The following SLFN12L variants were observed in gnomAD, a reference collection of about 807,000 sequenced individuals.
SLFN12L encodes schlafen family member 12-like.
In SLFN12L, 34 loss-of-function variants were observed where a neutral mutation model predicts 34.8. The ratio of observed to expected loss-of-function variants is 0.98; its 90% CI spans 0.74 to 1.30. The LOEUF (loss-of-function observed/expected upper bound fraction) is 1.30. Ranked by LOEUF, SLFN12L falls within the 50% of genes most tolerant of loss-of-function variation. SLFN12L has a pLI of 0.00. For missense variants in SLFN12L, 703 were observed against 696.2 expected, an observed-to-expected ratio of 1.01 and a Z score of -0.11; for synonymous variants, 259 against 247.5, an observed-to-expected ratio of 1.05 and a Z score of -0.44.
chr17:35,479,892 T>TGGCA lies in SLFN12L; in HGVS notation c.386_389dup (p.Phe131AlafsTer5). On this transcript the variant is annotated frameshift_variant, in exon 3 of 5. Transcript: ENST00000628453. LOFTEE classifies it high-confidence loss of function. ...TGAAGTCCAGGAAATTAGGAACAAATGGCAGCATGTTACTAAAAGAATTTT... is the reference window on the plus strand; with the variant it reads ...TGAAGTCCAGGAAATTAGGAACAAATGGCAGGCAGCATGTTACTAAAAGAATTTT... 6.2e-7 allele frequency: 1 copy of TGGCA among 1,611,958 alleles called. No homozygotes were observed. The highest frequency in any genetic ancestry group is 8.5e-7 in the Non-Finnish European group (1 of 1,178,814).
chr17:35,486,847 T>A (rs1914600625), intron 2 of SLFN12L, among the ~76,000 whole-genome samples: 1 of 152,168 alleles, frequency 6.6e-6, no homozygotes, highest in Non-Finnish European at 1.5e-5. Context: ...AACAACAGGT[T>A]AGTAAGAACT....
At position 35,468,752 on chromosome 17, in the gene SLFN12L, ACTCATGC is replaced by A. The variant is rs951778023; in HGVS notation, c.*6164_*6170del. On this transcript the variant is annotated 3_prime_UTR_variant, in exon 5 of 5. Coordinates refer to ENST00000628453, the MANE Select transcript of SLFN12L (RefSeq NM_001363830.2). ...AATTAATGGAGGGCCAAGCACAGTG[ACTCATGC>A]CTATAATTCCAGCACTTTGGGAGGC... 6.6e-6 allele frequency among the ~76,000 whole-genome samples: 1 copy of A among 152,110 alleles called. No individual in the cohort carries two copies. The highest frequency in any genetic ancestry group is 1.5e-5 in the Non-Finnish European group (1 of 68,018).
intron 1 of SLFN12L, among the ~76,000 whole-genome samples, chr17:35,531,919 G>C (rs1189530553): frequency 6.6e-6 from 1 of 151,852 alleles, no homozygotes; most frequent in Non-Finnish European, 1.5e-5. Flanking sequence ...ATAGGTGTGA[G>C]CCACCCAGCC....
At chr17:35,515,863 C>G (rs1211473616) in intron 2 of SLFN12L, among the ~76,000 whole-genome samples, 2 of 151,502 alleles carry the variant, frequency 1.3e-5, no homozygotes, top group Non-Finnish European at 2.9e-5. Flanking sequence ...AGGCTGGTCT[C>G]GAACTCCTGA....
rs1913688109 is a variant in SLFN12L at position 35,464,334 on chromosome 17, T to C, written c.*10589A>G. ...TCATTACACAGGTAAACATGTGTCA[T>C]GGGGTTTTGTTATACATATTATTTC... On this transcript the variant is annotated 3_prime_UTR_variant, in exon 5 of 5. Coordinates refer to ENST00000628453, the MANE Select transcript of SLFN12L (RefSeq NM_001363830.2). 1 of 152,218 alleles carries C rather than the reference T, an allele frequency of 6.6e-6. No homozygotes were observed. Among genetic ancestry groups the C allele is most frequent in the Non-Finnish European group, 1.5e-5 (1 of 68,046 alleles). The allele number at this position is 152,218 out of a possible 1,614,324, so 9.4% of individuals were successfully genotyped here.
At chr17:35,530,441 G>GAAGGAAAGAAAGA (rs1555545952) in intron 1 of SLFN12L, among the ~76,000 whole-genome samples, 5 of 16,878 alleles carry the variant, frequency 3.0e-4, no homozygotes, top group Non-Finnish European at 4.5e-4. Flanking sequence ...GAAGGGAAGG[G>GAAGGAAAGAAAGA]AAGAAAGAAA....
At position 35,485,510 on chromosome 17, in the gene SLFN12L, C is replaced by T. The variant is rs112933003; in HGVS notation, c.87-5315G>A. On this transcript the variant is annotated intron_variant, in intron 2 of 4. Coordinates refer to ENST00000628453, the MANE Select transcript of SLFN12L (RefSeq NM_001363830.2). Reference sequence around the variant, plus strand: ...TCTGTTGAGACTTTTGCTGTGCAGACGCTGTTTAGTTAAGTCCCATTTGTC... The same window carrying T: ...TCTGTTGAGACTTTTGCTGTGCAGATGCTGTTTAGTTAAGTCCCATTTGTC... 1.1e-3 allele frequency among the ~76,000 whole-genome samples: 170 copies of T among 152,242 alleles called. 1 individual carries two copies. Among genetic ancestry groups the T allele is most frequent in the African/African-American group, 3.8e-3 (159 of 41,552 alleles).
chr17:35,499,277 C>T, intron 2 of SLFN12L: 1 of 770,392 alleles, frequency 1.3e-6, no homozygotes, highest in Non-Finnish European at 1.9e-6. Flanking sequence ...TCCTAATTTT[C>T]CTCATCATAT....
intron 2 of SLFN12L, chr17:35,499,194 T>C: frequency 1.0e-6 from 1 of 957,854 alleles, no homozygotes; most frequent in Non-Finnish European, 1.5e-6. Flanking sequence ...AATACCGTTT[T>C]TTCTTCCCTG....
intron 2 of SLFN12L, among the ~76,000 whole-genome samples, chr17:35,504,504 A>T (rs558184922): frequency 6.6e-6 from 1 of 152,374 alleles, no homozygotes; most frequent in East Asian, 1.9e-4. Flanking sequence ...CACATAAAAC[A>T]AAAGCAATTG....
chr17:35,520,703 A>G (rs535252987), intron 2 of SLFN12L, among the ~76,000 whole-genome samples: 62 of 152,008 alleles, frequency 4.1e-4, no homozygotes, highest in African/African-American at 1.5e-3. Flanking sequence ...CCGAGATCAT[A>G]CCACTGCACT....
Position 35,522,178 on chromosome 17 carries a change from A to G in SLFN12L, c.86+101T>C. 3 of 1,485,466 alleles carry G rather than the reference A, an allele frequency of 2.0e-6. No homozygotes were observed. The South Asian group carries it at 3.9e-5, about 19-fold the overall frequency. 92.0% of individuals were successfully genotyped at this position (1,485,466 alleles called of 1,614,324 possible). On this transcript the variant is annotated intron_variant, in intron 2 of 4. Transcript: ENST00000628453. Reference sequence around the variant, plus strand: ...TCTCCTAAACACAGTTTGTTGTCACAGATAATTTTACCACTTAATTTTCAA... The same window carrying G: ...TCTCCTAAACACAGTTTGTTGTCACGGATAATTTTACCACTTAATTTTCAA...
At position 35,474,697 on chromosome 17, in the gene SLFN12L, G is replaced by T. The variant is rs796071289; in HGVS notation, c.*226C>A. The T allele has an allele frequency of 3.3e-3, 1,172 of 356,058 alleles. 24 individuals carry two copies. The highest frequency in any genetic ancestry group is 0.015 in the African/African-American group (660 of 43,042). 22.1% of individuals were successfully genotyped at this position (356,058 alleles called of 1,614,324 possible). A position where few individuals can be genotyped will look rare whatever the true frequency, so the allele number is the denominator to read the frequency against. Reference sequence around the variant, plus strand: ...AGCACTTTGGGAGACCGGGGGGGGGGGTTGAATCACGAGGTCAGGAGTTCA... The same window carrying T: ...AGCACTTTGGGAGACCGGGGGGGGGTGTTGAATCACGAGGTCAGGAGTTCA... On this transcript the variant is annotated 3_prime_UTR_variant, in exon 5 of 5. Coordinates refer to ENST00000628453, the MANE Select transcript of SLFN12L (RefSeq NM_001363830.2).
chr17:35,494,879 AATTT>A (rs552950461), intron 2 of SLFN12L, among the ~76,000 whole-genome samples: 23 of 148,914 alleles, frequency 1.5e-4, no homozygotes, highest in African/African-American at 5.0e-4. Context: ...TAATTTTATT[AATTT>A]ATTTATTTTA....
At chr17:35,533,914 C>T (rs771801835) in intron 1 of SLFN12L, among the ~76,000 whole-genome samples, 40 of 151,950 alleles carry the variant, frequency 2.6e-4, no homozygotes, top group Non-Finnish European at 4.4e-4. Context: ...AACCTCATCT[C>T]TACTAAAAAT....
At chr17:35,523,832 G>A (rs957145103) in intron 1 of SLFN12L, among the ~76,000 whole-genome samples, 4 of 152,106 alleles carry the variant, frequency 2.6e-5, no homozygotes, top group Non-Finnish European at 5.9e-5. Flanking sequence ...CTCCTCAGGA[G>A]GCTGAGGTGG....
intron 2 of SLFN12L, chr17:35,490,325 A>T: frequency 7.0e-7 from 1 of 1,427,258 alleles, no homozygotes. Context: ...TACTCCAAAA[A>T]CTCCAAAATC....
rs1310923692 is a variant in SLFN12L, at chr17:35,467,165, C to T, written c.*7758G>A. On this transcript the variant is annotated 3_prime_UTR_variant, in exon 5 of 5. Coordinates refer to ENST00000628453, the MANE Select transcript of SLFN12L (RefSeq NM_001363830.2). ...AGACCCCTTGGTTACCTGGAAAGCT[C>T]CTTTGGATTGACTGAGTGAACAGCA... Among the ~76,000 whole-genome samples, 1 of 152,186 alleles carries T rather than the reference C, an allele frequency of 6.6e-6. No homozygotes were observed.
At chr17:35,483,454 T>C (rs2142133346) in intron 2 of SLFN12L, among the ~76,000 whole-genome samples, 1 of 152,282 alleles carries the variant, frequency 6.6e-6, no homozygotes, top group South Asian at 2.1e-4. Context: ...TTCTGCCATA[T>C]GAAAAACACA....
Sources: allele counts gnomAD v4.1 joint callset (sites outside exome capture counted in the v4.1 genomes callset), GRCh38; gene constraint gnomAD v4.1.1; transcripts MANE v1.5; gene names NCBI Gene and HGNC (gene_info 2026-07-23, HGNC 2026-07-21).